Variants in STK33 observed in about 807,000 individuals in gnomAD.
STK33 encodes serine/threonine-protein kinase 33.
A neutral mutation model predicts 58.0 loss-of-function variants in STK33; 52 were observed. That is an observed-to-expected ratio of 0.90 (90% CI 0.72 to 1.13). STK33 has a LOEUF of 1.13. Ranked by LOEUF, STK33 falls within the 50% of genes most tolerant of loss-of-function variation. The pLI is 0.00. For synonymous variants in STK33, 215 were observed against 200.1 expected (o/e 1.07, Z -0.63); for missense variants, 630 against 604.2 (o/e 1.04, Z -0.45).
At chr11:8,457,946 G>A (rs551571505) in intron 8 of STK33, among the ~76,000 whole-genome samples, 2 of 152,282 alleles carry the variant, frequency 1.3e-5, no homozygotes, top group South Asian at 4.1e-4. Flanking sequence ...AACTTGGTAG[G>A]GTGGAGAACA....
At chr11:8,490,370 C>G (rs925717571) in intron 1 of STK33, among the ~76,000 whole-genome samples, 1 of 152,154 alleles carries the variant, frequency 6.6e-6, no homozygotes, top group East Asian at 1.9e-4. Flanking sequence ...GGGGGAGGGG[C>G]GTCCACCATT....
intron 12 of STK33, among the ~76,000 whole-genome samples, chr11:8,436,399 T>C (rs899760135): frequency 6.6e-6 from 1 of 152,094 alleles, no homozygotes; most frequent in African/African-American, 2.4e-5. Context: ...GATCAGCAAA[T>C]GACCCAAAGC....
intron 6 of STK33, 24 bp downstream of exon 6, chr11:8,473,139 T>C (rs759278832): frequency 7.6e-5 from 112 of 1,478,812 alleles, no homozygotes; most frequent in Non-Finnish European, 7.5e-6. Flanking sequence ...AAGTTCACAG[T>C]AGCTTCATTT....
intron 1 of STK33, among the ~76,000 whole-genome samples, chr11:8,502,092 T>A (rs565019681): frequency 4.3e-4 from 65 of 152,110 alleles, no homozygotes; most frequent in Non-Finnish European, 7.4e-4. Context: ...TTACATAGTG[T>A]GATGATTGTA....
At chr11:8,336,288 TGGGCTGG>T in the STK33 span, among the ~76,000 whole-genome samples, 1 of 152,226 alleles carries the variant, frequency 6.6e-6, no homozygotes, top group South Asian at 2.1e-4. Flanking sequence ...CACCAGGCTG[TGGGCTGG>T]GGGTTAGAGT....
chr11:8,498,497 A>C (rs143260098), intron 1 of STK33, among the ~76,000 whole-genome samples: 138 of 152,320 alleles, frequency 9.1e-4, no homozygotes, highest in African/African-American at 3.2e-3. Context: ...CAATATCATG[A>C]AAGAGCCATA....
chr11:8,476,160 A>G (rs1445804384), intron 4 of STK33, among the ~76,000 whole-genome samples: 64 of 152,164 alleles, frequency 4.2e-4, no homozygotes, highest in Non-Finnish European at 2.9e-5. Flanking sequence ...TGGGGCAGCA[A>G]TGTGCTCATT....
chr11:8,414,699 T>C (rs987450563), intron 14 of STK33, among the ~76,000 whole-genome samples: 3 of 152,140 alleles, frequency 2.0e-5, no homozygotes, highest in Non-Finnish European at 4.4e-5. Context: ...CACTACGCAA[T>C]TAATTCTCTG....
intron 11 of STK33, among the ~76,000 whole-genome samples, chr11:8,450,350 G>T (rs1946123014): frequency 6.6e-6 from 1 of 152,030 alleles, no homozygotes; most frequent in African/African-American, 2.4e-5. Context: ...AGTGGGAGTT[G>T]AACAATGAGA....
chr11:8,463,237 G>T (rs1233688040), intron 7 of STK33, among the ~76,000 whole-genome samples: 1 of 152,130 alleles, frequency 6.6e-6, no homozygotes, highest in Non-Finnish European at 1.5e-5. Context: ...CATGAACCAG[G>T]GTTGCGGGAG....
intron 11 of STK33, 86 bp downstream of exon 11, chr11:8,452,736 C>T: frequency 3.2e-6 from 4 of 1,234,602 alleles, no homozygotes; most frequent in Non-Finnish European, 4.7e-6. Context: ...TGCAGTGAGC[C>T]AAGATCATGC....
intron 1 of STK33, among the ~76,000 whole-genome samples, chr11:8,483,822 C>CA (rs914547079): frequency 6.6e-6 from 1 of 152,112 alleles, no homozygotes; most frequent in Non-Finnish European, 1.5e-5. Flanking sequence ...GCCAAAATTA[C>CA]AAAAAATACC....
the STK33 span, among the ~76,000 whole-genome samples, chr11:8,335,258 C>A: frequency 2.0e-5 from 3 of 152,148 alleles, no homozygotes; most frequent in Non-Finnish European, 2.9e-5. Context: ...GGAGTCCAGG[C>A]GGTCCTGGCT....
At chr11:8,438,889 T>C (rs532935569) in intron 12 of STK33, among the ~76,000 whole-genome samples, 3 of 152,318 alleles carry the variant, frequency 2.0e-5, no homozygotes, top group Admixed American at 2.0e-4. Context: ...CAAAAACTTT[T>C]TGAATACTTT....
chr11:8,588,518 AAACTT>A (rs2032083705), intron 1 of STK33, among the ~76,000 whole-genome samples: 1 of 152,212 alleles, frequency 6.6e-6, no homozygotes, highest in Non-Finnish European at 1.5e-5. Flanking sequence ...ATCATAAACA[AAACTT>A]AACTCAAAAT....
chr11:8,451,108 T>C (rs1364486462), intron 11 of STK33, among the ~76,000 whole-genome samples: 1 of 152,172 alleles, frequency 6.6e-6, no homozygotes, highest in African/African-American at 2.4e-5. Flanking sequence ...ATGGAGAAAC[T>C]GGAACCCTCA....
At chr11:8,496,103 A>AT (rs749118040) in intron 1 of STK33, among the ~76,000 whole-genome samples, 1 of 152,006 alleles carries the variant, frequency 6.6e-6, no homozygotes, top group African/African-American at 2.4e-5. Context: ...ATAATAAAAA[A>AT]TTTTTTTTGA....
At chr11:8,378,453 G>A in the STK33 span, among the ~76,000 whole-genome samples, 1 of 152,200 alleles carries the variant, frequency 6.6e-6, no homozygotes, top group African/African-American at 2.4e-5. Context: ...GGGAGGCAGA[G>A]GTTGCAGTGA....
intron 1 of STK33, among the ~76,000 whole-genome samples, chr11:8,579,936 A>G (rs999391352): frequency 1.3e-5 from 2 of 152,204 alleles, no homozygotes; most frequent in Non-Finnish European, 2.9e-5. Context: ...ATCCCAGTTT[A>G]AACGGCTTTT....
Sources: gnomAD v4.1 joint callset for allele counts (sites outside exome capture counted in the v4.1 genomes callset) on GRCh38, gnomAD v4.1.1 for gene constraint, MANE v1.5 for transcripts, NCBI Gene and HGNC (gene_info 2026-07-23, HGNC 2026-07-21) for gene names.